AK5: variants seen among roughly 807,000 people sequenced by gnomAD.
The protein encoded by AK5 is adenylate kinase 5.
Under a neutral mutation model 69.5 loss-of-function variants are expected in AK5, and 27 were observed. That is an observed-to-expected ratio of 0.39 (90% CI 0.29 to 0.54). AK5 has a LOEUF of 0.54. Ranked by LOEUF, AK5 falls within the 20% of genes least tolerant of loss-of-function variation. AK5 has a pLI of 0.71. For missense variants in AK5, 531 were observed against 700.4 expected (o/e 0.76, Z 2.73); for synonymous variants, 260 against 244.4 (o/e 1.06, Z -0.60).
At chr1:77,529,040 G>GT (rs1658432668) in intron 12 of AK5, among the ~76,000 whole-genome samples, 1 of 151,876 alleles carries the variant, frequency 6.6e-6, no homozygotes, top group Non-Finnish European at 1.5e-5. Flanking sequence ...TTTTAATAAT[G>GT]TGTATTTTTT....
At chr1:77,465,924 G>A (rs968523558) in intron 8 of AK5, among the ~76,000 whole-genome samples, 1 of 152,076 alleles carries the variant, frequency 6.6e-6, no homozygotes, top group African/African-American at 2.4e-5. Context: ...TCCCACTTGA[G>A]ACAGAAGGAA....
intron 13 of AK5, among the ~76,000 whole-genome samples, chr1:77,554,108 A>G (rs1427630625): frequency 6.6e-6 from 1 of 152,210 alleles, no homozygotes; most frequent in Non-Finnish European, 1.5e-5. Flanking sequence ...AGGCAAATCT[A>G]TGGCGACACC....
intron 6 of AK5, among the ~76,000 whole-genome samples, chr1:77,367,534 G>A (rs1407451046): frequency 1.3e-5 from 1 of 74,120 alleles, no homozygotes; most frequent in Non-Finnish European, 2.5e-5. Context: ...TCCCTATGTT[G>A]CCCAGACTCA....
chr1:77,374,832 A>AG (rs1647194712), intron 6 of AK5, among the ~76,000 whole-genome samples: 1 of 152,016 alleles, frequency 6.6e-6, no homozygotes, highest in African/African-American at 2.4e-5. Context: ...AAAAAAAAAA[A>AG]AAGAAGAAGT....
At chr1:77,313,364 C>A (rs185388488) in intron 5 of AK5, among the ~76,000 whole-genome samples, 2 of 152,240 alleles carry the variant, frequency 1.3e-5, no homozygotes, top group African/African-American at 4.8e-5. Flanking sequence ...CTTGAGGTCA[C>A]AAACAGGCAG....
intron 8 of AK5, among the ~76,000 whole-genome samples, chr1:77,435,179 A>G: frequency 6.6e-6 from 1 of 152,212 alleles, no homozygotes; most frequent in South Asian, 2.1e-4. Flanking sequence ...GGACAGGAAG[A>G]GCAGAAGGCA....
At chr1:77,349,781 A>G (rs1236723940) in intron 6 of AK5, among the ~76,000 whole-genome samples, 3 of 152,194 alleles carry the variant, frequency 2.0e-5, no homozygotes, top group Non-Finnish European at 4.4e-5. Context: ...GTTTATCTAT[A>G]CTACTATCTC....
chr1:77,367,579 A>ATATATATGTAT lies in AK5; in HGVS notation c.891+27011_891+27012insTATATATGTAT, dbSNP rs71075732. ...TTTTTATATATATATATATATATAT[A>ATATATATGTAT]ATATATATGTTATATATGTAATATA... On this transcript the variant is annotated intron_variant, in intron 6 of 13. Transcript: ENST00000354567. Among the ~76,000 whole-genome samples, 19 of 53,396 alleles carry ATATATATGTAT rather than the reference A, an allele frequency of 3.6e-4. 2 individuals are homozygous for ATATATATGTAT. Among genetic ancestry groups the ATATATATGTAT allele is most frequent in the African/African-American group, 1.9e-3 (18 of 9,436 alleles). The allele number at this position is 53,396 out of a possible 152,430, so 35.0% of individuals were successfully genotyped here.
At chr1:77,360,758 G>A (rs1260818063) in intron 6 of AK5, among the ~76,000 whole-genome samples, 1 of 152,104 alleles carries the variant, frequency 6.6e-6, no homozygotes, top group Non-Finnish European at 1.5e-5. Context: ...TTTAATCTGT[G>A]ACTGTAAGCA....
At chr1:77,325,542 T>A (rs1570382168) in intron 5 of AK5, among the ~76,000 whole-genome samples, 2 of 152,112 alleles carry the variant, frequency 1.3e-5, no homozygotes, top group East Asian at 3.9e-4. Context: ...TGCCATATGA[T>A]CATGTGCTGC....
intron 6 of AK5, among the ~76,000 whole-genome samples, chr1:77,359,483 CT>C (rs1275690157): frequency 6.6e-6 from 1 of 151,648 alleles, no homozygotes; most frequent in Non-Finnish European, 1.5e-5. Context: ...ATTCTGTAAA[CT>C]TTTTTGTAAA....
intron 6 of AK5, among the ~76,000 whole-genome samples, chr1:77,407,205 G>A (rs772144176): frequency 1.3e-5 from 2 of 152,032 alleles, no homozygotes; most frequent in African/African-American, 2.4e-5. Flanking sequence ...ATGGAGACAT[G>A]GAAAATTTTT....
intron 6 of AK5, among the ~76,000 whole-genome samples, chr1:77,343,540 G>A (rs80067039): frequency 5.9e-5 from 9 of 152,294 alleles, no homozygotes; most frequent in East Asian, 5.8e-4. Context: ...TGCAGAGAGC[G>A]TGTTTTAAGA....
intron 8 of AK5, among the ~76,000 whole-genome samples, chr1:77,459,045 C>T (rs1653671900): frequency 6.6e-6 from 1 of 152,142 alleles, no homozygotes; most frequent in Non-Finnish European, 1.5e-5. Flanking sequence ...GCCACATAAG[C>T]ACATTTTAAT....
At chr1:77,418,744 C>T (rs1175954442) in intron 8 of AK5, among the ~76,000 whole-genome samples, 1 of 152,104 alleles carries the variant, frequency 6.6e-6, no homozygotes, top group African/African-American at 2.4e-5. Flanking sequence ...GCTTTGTTCC[C>T]ATCTTTAACT....
chr1:77,331,964 G>T (rs1205719245), intron 5 of AK5, among the ~76,000 whole-genome samples: 1 of 152,030 alleles, frequency 6.6e-6, no homozygotes, highest in African/African-American at 2.4e-5. Flanking sequence ...TTGAGACAGG[G>T]TCTCATTCTG....
At chr1:77,392,500 T>C (rs1484735457) in intron 6 of AK5, among the ~76,000 whole-genome samples, 2 of 152,224 alleles carry the variant, frequency 1.3e-5, no homozygotes, top group African/African-American at 2.4e-5. Context: ...GTGAGATAAG[T>C]ATCTGGCTAC....
intron 13 of AK5, among the ~76,000 whole-genome samples, chr1:77,555,284 CA>C (rs1660042013): frequency 1.3e-5 from 2 of 152,066 alleles, no homozygotes; most frequent in Non-Finnish European, 2.9e-5. Flanking sequence ...TTTTAAAAAA[CA>C]AAAAACAAAC....
At chr1:77,334,288 T>C (rs1171271266) in intron 5 of AK5, among the ~76,000 whole-genome samples, 1 of 152,240 alleles carries the variant, frequency 6.6e-6, no homozygotes, top group Non-Finnish European at 1.5e-5. Flanking sequence ...TTTCTGACTT[T>C]CATTGTTTCT....
Sources: allele counts gnomAD v4.1 joint callset (sites outside exome capture counted in the v4.1 genomes callset), GRCh38; gene constraint gnomAD v4.1.1; transcripts MANE v1.5; gene names NCBI Gene and HGNC (gene_info 2026-07-23, HGNC 2026-07-21).